The following WDR54 variants were observed in gnomAD, a reference collection of about 807,000 sequenced individuals.
WDR54 encodes WD repeat-containing protein 54.
A neutral mutation model predicts 44.1 loss-of-function variants in WDR54; 44 were observed. The observed-to-expected ratio is 1.00, with a 90% CI of 0.78 to 1.28. WDR54 has a LOEUF of 1.28. WDR54 is among the 50% of genes most tolerant of loss of function. WDR54 has a pLI of 0.00. For missense variants in WDR54, 409 were observed against 429.7 expected (o/e 0.95, Z 0.43); for synonymous variants, 169 against 169.8 (o/e 1.00, Z 0.04).
chr2:74,424,780 C>T, intron 6 of WDR54, 95 bp from the exon 7 acceptor site: 1 of 1,494,268 alleles, frequency 6.7e-7, no homozygotes, highest in South Asian at 1.1e-5. Flanking sequence ...CCTGGAGAGG[C>T]AAAGATGCAC....
chr2:74,422,147 A>C lies in WDR54; in HGVS notation c.-1-6A>C, dbSNP rs1670123745. 6.2e-7 allele frequency: 1 copy of C among 1,611,610 alleles called. No individual in the cohort carries two copies. ...CGCCTGGTGATTCGGCTGCACCCCCACACAGGATGTTCCGCTGGGAGCGCT... is the reference window on the plus strand; with the variant it reads ...CGCCTGGTGATTCGGCTGCACCCCCCCACAGGATGTTCCGCTGGGAGCGCT... On this transcript the variant is annotated splice_polypyrimidine_tract_variant and splice_region_variant and intron_variant, in intron 1 of 9. Transcript: ENST00000348227.
At position 74,422,356 on chromosome 2, in the gene WDR54, G is replaced by A. The variant is rs748145118; in HGVS notation, c.203G>A (p.Ser68Asn). ...QLHAKEGAGV[S>N]PPLITQVHWC... ...CACGCTAAGGAGGGTGCTGGAGTGAGTCCCCCACTTATCACTCAGGTGAGG... is the reference window on the plus strand; with the variant it reads ...CACGCTAAGGAGGGTGCTGGAGTGAATCCCCCACTTATCACTCAGGTGAGG... The change falls in exon 2 of 10, where the codon AGT (serine) becomes AAT (asparagine). Residue 68 changes from serine (S) to asparagine (N), a missense_variant. By Grantham distance (46) the Ser-to-Asn change is conservative. Coordinates refer to ENST00000348227, the MANE Select transcript of WDR54 (RefSeq NM_032118.4). 1.1e-5 allele frequency: 17 copies of A among 1,613,052 alleles called. No homozygotes were observed. The South Asian group carries it at 1.8e-4, about 17-fold the overall frequency.
chr2:74,423,737 G>T, intron 5 of WDR54, 118 bp from the exon 6 acceptor site: 1 of 1,503,888 alleles, frequency 6.6e-7, no homozygotes, highest in Non-Finnish European at 9.1e-7. Flanking sequence ...ATGGCCGTTG[G>T]AGCAGTGAGA....
At position 74,425,699 on chromosome 2, in the gene WDR54, T is replaced by C. The variant is rs780962842; in HGVS notation, c.1003T>C (p.Ter335ArgextTer?). The change falls in exon 10 of 10, where the codon TGA (stop) becomes CGA (arginine). Residue 335 changes from the stop codon to arginine (R), a stop_lost. Coordinates refer to ENST00000348227, the MANE Select transcript of WDR54 (RefSeq NM_032118.4). ...LAEIRRFSSV[*>R] ...GGAGATCCGGAGATTCAGCAGTGTG[T>C]GAGAAGAGCAGCCTTCCTTTGTCCC... 9.5e-5 allele frequency: 154 copies of C among 1,614,032 alleles called. No homozygotes were observed. The highest frequency in any genetic ancestry group is 1.3e-4 in the Non-Finnish European group (149 of 1,180,018).
chr2:74,421,776 C>A lies in WDR54; in HGVS notation c.-42C>A, dbSNP rs527690590. 6.9e-5 allele frequency: 46 copies of A among 664,908 alleles called. No homozygotes were observed. The highest frequency in any genetic ancestry group is 1.2e-4 in the Non-Finnish European group (42 of 360,174). 41.2% of individuals were successfully genotyped at this position (664,908 alleles called of 1,614,324 possible). On this transcript the variant is annotated 5_prime_UTR_variant, in exon 1 of 10. Coordinates refer to ENST00000348227, the MANE Select transcript of WDR54 (RefSeq NM_032118.4). ...ATGGTGGCGGCGGATTTGGAGGGAC[C>A]CTACGAACCAGGAGTCAGGCGAGCC... is the stretch of plus-strand genomic sequence containing the variant.
At chr2:74,422,602 C>A in intron 2 of WDR54, 1 of 622,178 alleles carries the variant, frequency 1.6e-6, no homozygotes, top group Non-Finnish European at 2.8e-6. Flanking sequence ...CCAGCCTGGC[C>A]AACATGGTGA....
rs1670346248 is a variant in WDR54 at position 74,425,620 on chromosome 2, T to C, written c.924T>C (p.Ala308=). Residue 308 remains alanine (A), a synonymous_variant, in exon 10 of 10, where the codon GCT becomes GCC. Transcript: ENST00000348227. ...TCGCCGACACCCAGCTGTGTGGTGCTCGATTTTGTGATTCCTCAGGCAACT... is the reference window on the plus strand; with the variant it reads ...TCGCCGACACCCAGCTGTGTGGTGCCCGATTTTGTGATTCCTCAGGCAACT... The part of the protein sequence containing the change: ...ECVADTQLCG[A]RFCDSSGNSF... The C allele has an allele frequency of 1.9e-6, 3 of 1,614,110 alleles. No homozygotes were observed. Among genetic ancestry groups the C allele is most frequent in the Admixed American group, 1.7e-5 (1 of 60,012 alleles).
At chr2:74,424,035 G>A in intron 6 of WDR54, 53 bp downstream of exon 6, 3 of 1,609,114 alleles carry the variant, frequency 1.9e-6, no homozygotes, top group East Asian at 2.2e-5. Flanking sequence ...TGGGAGGCAG[G>A]GGACCTGGCT....
In WDR54 at chr2:74,425,550, C is replaced by T. The variant is rs769911355; in HGVS notation, c.874-20C>T. 2.5e-5 allele frequency: 40 copies of T among 1,614,054 alleles called. No individual in the cohort carries two copies. In the Admixed American group the frequency reaches 4.0e-4, roughly 16 times the overall value. On this transcript the variant is annotated intron_variant, in intron 9 of 9. Transcript: ENST00000348227. ...CCAAGCATGGGGCAGCAGGCCCTGACGAGCCCTCTGCTCCCCCAGGTGGAA... is the reference window on the plus strand; with the variant it reads ...CCAAGCATGGGGCAGCAGGCCCTGATGAGCCCTCTGCTCCCCCAGGTGGAA...
In WDR54 at chr2:74,422,153, G is replaced by A. The variant is rs1387179921; in HGVS notation, c.-1G>A. On this transcript the variant is annotated splice_region_variant and 5_prime_UTR_variant, in exon 2 of 10. Transcript: ENST00000348227. ...GTGATTCGGCTGCACCCCCACACAG[G>A]ATGTTCCGCTGGGAGCGCTCCATTC... is the stretch of plus-strand genomic sequence containing the variant. 2.5e-6 allele frequency: 4 copies of A among 1,612,134 alleles called. No homozygotes were observed. The African/African-American group carries it at 4.0e-5, about 16-fold the overall frequency.
In WDR54 at chr2:74,425,132, C is replaced by G. The variant is rs142674559; in HGVS notation, c.693C>G (p.Asn231Lys). Reference sequence around the variant, plus strand: ...GGATCATAGCAGCAGGCTATGGGAACGGACAAGTGCATCTATATGAGGCCA... The same window carrying G: ...GGATCATAGCAGCAGGCTATGGGAAGGGACAAGTGCATCTATATGAGGCCA... ...WQGIIAAGYGNGQVHLYEATT... is the reference protein window; with the variant it reads ...WQGIIAAGYGKGQVHLYEATT... The change falls in exon 8 of 10, where the codon AAC becomes AAG. Residue 231 changes from asparagine (N) to lysine (K), a missense_variant. Physicochemically the swap from Asn to Lys is moderately conservative, Grantham distance 94 (BLOSUM62 0). Coordinates refer to ENST00000348227, the MANE Select transcript of WDR54 (RefSeq NM_032118.4). 15 of 1,568,614 alleles carry G rather than the reference C, an allele frequency of 9.6e-6. No individual in the cohort carries two copies. The highest frequency in any genetic ancestry group is 1.3e-5 in the Non-Finnish European group (15 of 1,153,274).
At chr2:74,422,566 G>C (rs985063589) in intron 2 of WDR54, 191 bp downstream of exon 2, 3 of 691,604 alleles carry the variant, frequency 4.3e-6, no homozygotes, top group Non-Finnish European at 7.1e-6. Context: ...AGGCTGAGAC[G>C]GGCACTTGAG....
rs1220851151 is a variant in WDR54 at position 74,422,180 on chromosome 2, C to T, written c.27C>T (p.Pro9=). The change falls in exon 2 of 10, where the codon CCC becomes CCT. Residue 9 remains proline (P), a synonymous_variant. Transcript: ENST00000348227. MFRWERSI[P]LRGSAAALCN... is the part of the protein sequence containing the mutation. ...TGTTCCGCTGGGAGCGCTCCATTCC[C>T]CTGCGAGGCTCGGCCGCCGCCCTGT... 2 of 1,613,396 alleles carry T rather than the reference C, an allele frequency of 1.2e-6. No individual in the cohort carries two copies. The highest frequency in any genetic ancestry group is 2.7e-5 in the African/African-American group (2 of 74,940).
At chr2:74,424,752 T>G (rs1433023852) in intron 6 of WDR54, 123 bp from the exon 7 acceptor site, 7 of 1,228,988 alleles carry the variant, frequency 5.7e-6, no homozygotes, top group South Asian at 2.5e-5. Flanking sequence ...TAGTGAGAGC[T>G]CCACACCTTG....
At position 74,425,203 on chromosome 2, in the gene WDR54, T is replaced by C. The variant is rs1168165741; in HGVS notation, c.764T>C (p.Ile255Thr). ...HVQINAHARA[I>T]CALDLASEVG... ...CAGATCAATGCCCATGCCCGGGCCA[T>C]CTGCGCCCTGGACCTGGCTTCTGAG... Residue 255 changes from isoleucine (I) to threonine (T), a missense_variant, in exon 8 of 10, where the codon ATC becomes ACC. Transcript: ENST00000348227. 3.9e-6 allele frequency: 6 copies of C among 1,535,256 alleles called. No individual in the cohort carries two copies. Among genetic ancestry groups the C allele is most frequent in the Non-Finnish European group, 5.3e-6 (6 of 1,139,216 alleles).
Position 74,424,078 on chromosome 2 carries a change from T to C in WDR54, c.534+96T>C, listed in dbSNP as rs879202715. ...TTGGCTCTGCCACTAAACAGGTGGA[T>C]GGCTTTGGGCAAATCTACATTTTCC... is the stretch of plus-strand genomic sequence containing the variant. On this transcript the variant is annotated intron_variant, in intron 6 of 9. Coordinates refer to ENST00000348227, the MANE Select transcript of WDR54 (RefSeq NM_032118.4). 4.9e-5 allele frequency: 74 copies of C among 1,503,298 alleles called. 1 individual carries two copies. The South Asian group carries it at 8.6e-4, about 18-fold the overall frequency. 93.1% of individuals were successfully genotyped at this position (1,503,298 alleles called of 1,614,324 possible). A position where few individuals can be genotyped will look rare whatever the true frequency, so the allele number is the denominator to read the frequency against.
intron 1 of WDR54, 57 bp from the exon 2 acceptor site, chr2:74,422,096 C>T (rs1676644945): frequency 6.4e-7 from 1 of 1,553,866 alleles, no homozygotes; most frequent in Admixed American, 1.7e-5. Flanking sequence ...CGCCCTCGGG[C>T]ATCTCCGCTG....
At chr2:74,422,461 C>T (rs1023228651) in intron 2 of WDR54, 86 bp downstream of exon 2, 3 of 1,423,196 alleles carry the variant, frequency 2.1e-6, no homozygotes, top group Admixed American at 4.4e-5. Context: ...CAGGCATGTC[C>T]TAACCTCAGA....
Position 74,422,373 on chromosome 2 carries a change from CAGGTG to C in WDR54, c.222+2_222+6del, listed in dbSNP as rs1558532703. 6.2e-7 allele frequency: 1 copy of C among 1,611,328 alleles called. No homozygotes were observed. Among genetic ancestry groups the C allele is most frequent in the Non-Finnish European group, 8.5e-7 (1 of 1,177,994 alleles). ...TGGAGTGAGTCCCCCACTTATCACTCAGGTGAGGCATGGAGCTGGGAGTGATGTTG... is the reference window on the plus strand; with the variant it reads ...TGGAGTGAGTCCCCCACTTATCACTCAGGCATGGAGCTGGGAGTGATGTTG... On this transcript the variant is annotated splice_donor_variant and splice_donor_region_variant and coding_sequence_variant and intron_variant, in exon 2 of 10. Transcript: ENST00000348227. LOFTEE classifies it high-confidence loss of function.
Sources: gnomAD v4.1 joint callset for allele counts on GRCh38, gnomAD v4.1.1 for gene constraint, MANE v1.5 for transcripts, NCBI Gene and HGNC (gene_info 2026-07-23, HGNC 2026-07-21) for gene names.